Variants in DST observed in about 807,000 individuals in gnomAD.
DST encodes dystonin, also known as bullous pemphigoid antigen.
A neutral mutation model predicts 875.2 loss-of-function variants in DST; 253 were observed. The observed-to-expected ratio is 0.29, with a 90% CI of 0.26 to 0.32. The LOEUF is 0.32. DST is among the 10% of genes least tolerant of loss of function. The pLI, the probability that DST is intolerant of heterozygous loss-of-function variation, is 1.00. For synonymous variants in DST, 3,124 were observed against 3,197.1 expected, an observed-to-expected ratio of 0.98 and a Z score of 0.77; for missense variants, 8,287 against 9,111.6, an observed-to-expected ratio of 0.91 and a Z score of 3.68.
chr6:56,598,456 C>A lies in DST; in HGVS notation c.11928+20G>T, dbSNP rs1379855122. The A allele has an allele frequency of 2.1e-6, 3 of 1,457,848 alleles. No homozygotes were observed. In the African/African-American group the frequency reaches 4.2e-5, roughly 21 times the overall value. 90.3% of individuals were successfully genotyped at this position (1,457,848 alleles called of 1,614,324 possible). On this transcript the variant is annotated intron_variant, in intron 46 of 103. Coordinates refer to ENST00000680361, the MANE Select transcript of DST (RefSeq NM_001374736.1). The stretch of plus-strand genomic sequence containing the variant: ...AGCTTTTTGACATAGCAATAGTGCA[C>A]CACATATTTGAATAAGGACCTTTTC...
In DST at chr6:56,718,035, G is replaced by A. The variant is rs180878283; in HGVS notation, c.688-13666C>T. ...CTTAGGTGGGAAAATTGTTTGAGAC[G>A]AGTTTGAGACCAGCCTGGGCAACAC... On this transcript the variant is annotated intron_variant, in intron 5 of 103. Coordinates refer to ENST00000680361, the MANE Select transcript of DST (RefSeq NM_001374736.1). Among the ~76,000 whole-genome samples, 6 of 152,164 alleles carry A rather than the reference G, an allele frequency of 3.9e-5. No homozygotes were observed. In the East Asian group the frequency reaches 9.7e-4, roughly 24 times the overall value.
chr6:56,905,105 A>T (rs1172198336), intron 2 of DST, among the ~76,000 whole-genome samples: 2 of 152,160 alleles, frequency 1.3e-5, no homozygotes, highest in East Asian at 3.9e-4. Flanking sequence ...GTTACTCTTC[A>T]ACCATTAGGT....
intron 61 of DST, chr6:56,541,037 G>C (rs768146237): frequency 6.6e-6 from 1 of 152,642 alleles, no homozygotes; most frequent in Non-Finnish European, 1.5e-5. Context: ...CGAAGTGAGA[G>C]AATTAGTACC....
chr6:56,795,701 C>A (rs552668353), intron 4 of DST, among the ~76,000 whole-genome samples: 2 of 151,878 alleles, frequency 1.3e-5, no homozygotes, highest in Non-Finnish European at 2.9e-5. Context: ...TAAAGTGAAG[C>A]CAGGGTTAAG....
intron 2 of DST, among the ~76,000 whole-genome samples, chr6:56,913,349 A>G (rs1799536311): frequency 6.6e-6 from 1 of 152,242 alleles, no homozygotes; most frequent in Non-Finnish European, 1.5e-5. Context: ...TTTGCCTAAT[A>G]CTTTGTAAGT....
chr6:56,778,514 C>G (rs1374762556), intron 4 of DST, among the ~76,000 whole-genome samples: 1 of 149,590 alleles, frequency 6.7e-6, no homozygotes, highest in East Asian at 2.0e-4. Flanking sequence ...GGTATATCTC[C>G]AAATGGTATC....
At position 56,923,415 on chromosome 6, in the gene DST, T is replaced by C. The variant is rs557628883; in HGVS notation, c.217-22794A>G. ...ACTTATTTGGGAATTTTGATTTTTT[T>C]CCCTGGATTAGATGGAGAGAGTGGA... On this transcript the variant is annotated intron_variant, in intron 2 of 103. Coordinates refer to ENST00000680361, the MANE Select transcript of DST (RefSeq NM_001374736.1). 3.8e-4 allele frequency among the ~76,000 whole-genome samples: 52 copies of C among 136,774 alleles called. 1 individual carries two copies. In the South Asian group the frequency reaches 0.011, roughly 30 times the overall value. 89.7% of individuals were successfully genotyped at this position (136,774 alleles called of 152,430 possible).
At chr6:56,685,044 C>CAGAGTTACTCTGATATGAA (rs2099175148) in intron 9 of DST, among the ~76,000 whole-genome samples, 1 of 121,718 alleles carries the variant, frequency 8.2e-6, no homozygotes, top group Non-Finnish European at 1.6e-5. Flanking sequence ...ATGTTCTCTT[C>CAGAGTTACTCTGATATGAA]CTCTCTCATA....
intron 90 of DST, among the ~76,000 whole-genome samples, chr6:56,479,404 C>G (rs1170767721): frequency 6.6e-6 from 1 of 152,076 alleles, no homozygotes; most frequent in Non-Finnish European, 1.5e-5. Context: ...TACCATTTGA[C>G]CCAGCAATTC....
At position 56,495,156 on chromosome 6, in the gene DST, G is replaced by C. The variant is rs60581719; in HGVS notation, c.20224-976C>G. On this transcript the variant is annotated intron_variant, in intron 82 of 103. Transcript: ENST00000680361. Reference sequence around the variant, plus strand: ...ATATTTACAATATCATCTACTAAAAGCTTTAAATCCTAAAGCAAAACTTTC... The same window carrying C: ...ATATTTACAATATCATCTACTAAAACCTTTAAATCCTAAAGCAAAACTTTC... 2.2e-3 allele frequency among the ~76,000 whole-genome samples: 336 copies of C among 151,690 alleles called. 2 individuals are homozygous for C. The highest frequency in any genetic ancestry group is 7.8e-3 in the African/African-American group (324 of 41,376).
At chr6:56,597,673 A>G (rs2098404525) in intron 47 of DST, 67 bp downstream of exon 47, 1 of 1,502,628 alleles carries the variant, frequency 6.7e-7, no homozygotes, top group African/African-American at 1.4e-5. Context: ...CTCATGTGCT[A>G]GGTTATTTCT....
chr6:56,482,597 G>T, intron 89 of DST, 86 bp downstream of exon 89: 2 of 1,353,106 alleles, frequency 1.5e-6, no homozygotes, highest in Non-Finnish European at 2.0e-6. Flanking sequence ...AGACACGAGG[G>T]CCTCACAATT....
At chr6:56,672,293 A>T (rs1214920504) in intron 9 of DST, among the ~76,000 whole-genome samples, 1 of 152,182 alleles carries the variant, frequency 6.6e-6, no homozygotes, top group Non-Finnish European at 1.5e-5. Context: ...AGTGTTCAGC[A>T]GAGGCTGCCA....
In DST at chr6:56,536,788, G is replaced by A. The variant is rs376441315; in HGVS notation, c.16761C>T (p.Leu5587=). ...LDDVNARWKT[L]NKKVAQRAAQ... ...GGGGTGAGAAAATTACCTTCTTATT[G>A]AGAGTCTTCCACCGTGCATTGACAT... The change falls in exon 62 of 104, where the codon CTC becomes CTT. Residue 5587 remains leucine (L), a synonymous_variant. Transcript: ENST00000680361. 6.4e-7 allele frequency: 1 copy of A among 1,551,866 alleles called. No homozygotes were observed. Among genetic ancestry groups the A allele is most frequent in the African/African-American group, 1.4e-5 (1 of 72,770 alleles).
At chr6:56,484,176 G>GT in intron 88 of DST, 1 of 152,104 alleles carries the variant, frequency 6.6e-6, no homozygotes, top group Non-Finnish European at 1.5e-5. Context: ...TATGTAAAAA[G>GT]TAACATTACG....
At chr6:56,515,751 C>T in intron 71 of DST, 83 bp from the exon 72 acceptor site, 2 of 1,055,354 alleles carry the variant, frequency 1.9e-6, no homozygotes, top group Admixed American at 2.5e-5. Flanking sequence ...GCACAGTACA[C>T]CTGGACAGAG....
Position 56,463,091 on chromosome 6 carries a change from A to G in DST, c.23025T>C (p.Pro7675=), listed in dbSNP as rs1173189755. ...AGTCTGAGCACTCTGCTGCTTTACA[A>G]GGAGTTGACATTTTGCTGTTTGTCA... is the stretch of plus-strand genomic sequence containing the variant. ...PWLTNSKMST[P]CKAAECSDFP... Residue 7675 remains proline, a synonymous_variant, in exon 102 of 104, where the codon CCT becomes CCC. Transcript: ENST00000680361. 2.5e-6 allele frequency: 4 copies of G among 1,613,734 alleles called. No homozygotes were observed. Among genetic ancestry groups the G allele is most frequent in the Non-Finnish European group, 3.4e-6 (4 of 1,179,802 alleles).
Position 56,571,615 on chromosome 6 carries a change from C to T in DST, c.13721+485G>A, listed in dbSNP as rs1240829888. ...TCAACTTAGGTTCATTCACTTGTTT[C>T]TAATAGTGTTTTTTCACAGGTTCAT... On this transcript the variant is annotated intron_variant, in intron 53 of 103. Coordinates refer to ENST00000680361, the MANE Select transcript of DST (RefSeq NM_001374736.1). 2.0e-5 allele frequency among the ~76,000 whole-genome samples: 3 copies of T among 152,176 alleles called. No homozygotes were observed. The East Asian group carries it at 5.8e-4, about 29-fold the overall frequency.
intron 47 of DST, among the ~76,000 whole-genome samples, chr6:56,596,854 T>C (rs1301922238): frequency 4.6e-5 from 7 of 152,234 alleles, no homozygotes. Flanking sequence ...AGCTTTAATT[T>C]ATGTCATGGA....
Sources: gnomAD v4.1 joint callset for allele counts (sites outside exome capture counted in the v4.1 genomes callset) on GRCh38, gnomAD v4.1.1 for gene constraint, MANE v1.5 for transcripts, NCBI Gene and HGNC (gene_info 2026-07-23, HGNC 2026-07-21) for gene names.